The following MAP7 variants were observed in gnomAD, a reference collection of about 807,000 sequenced individuals.
The protein encoded by MAP7 is ensconsin.
In MAP7, 52 loss-of-function variants were observed where a neutral mutation model predicts 94.8. The ratio of observed to expected loss-of-function variants is 0.55; its 90% CI spans 0.44 to 0.69. The LOEUF (loss-of-function observed/expected upper bound fraction) is 0.69. Among genes scored for constraint, MAP7 ranks in the 30% least tolerant of loss-of-function variants. The pLI is 0.00. For missense variants in MAP7, 940 were observed against 964.6 expected, an observed-to-expected ratio of 0.97 and a Z score of 0.34; for synonymous variants, 350 against 357.0, an observed-to-expected ratio of 0.98 and a Z score of 0.22.
chr6:136,465,182 C>T (rs1352885442), intron 1 of MAP7, among the ~76,000 whole-genome samples: 5 of 152,166 alleles, frequency 3.3e-5, no homozygotes, highest in African/African-American at 9.7e-5. Context: ...TCTGTGTTAT[C>T]TACTTTTGCA....
chr6:136,454,172 C>T (rs892048571), intron 1 of MAP7, among the ~76,000 whole-genome samples: 2 of 152,116 alleles, frequency 1.3e-5, no homozygotes, highest in Non-Finnish European at 2.9e-5. Context: ...GAGCCAGCTA[C>T]CACCCATCAG....
chr6:136,544,779 T>C (rs1029565216), intron 1 of MAP7, among the ~76,000 whole-genome samples: 1 of 152,054 alleles, frequency 6.6e-6, no homozygotes, highest in Non-Finnish European at 1.5e-5. Context: ...AGCAGAGAGG[T>C]TTTTTTCCTG....
intron 1 of MAP7, among the ~76,000 whole-genome samples, chr6:136,512,735 G>A (rs1443622457): frequency 6.6e-6 from 1 of 152,102 alleles, no homozygotes; most frequent in African/African-American, 2.4e-5. Context: ...TTAGTGAGTT[G>A]TAATCTTTTT....
At chr6:136,522,384 T>C (rs1296136451) in intron 1 of MAP7, among the ~76,000 whole-genome samples, 1 of 152,060 alleles carries the variant, frequency 6.6e-6, no homozygotes, top group Non-Finnish European at 1.5e-5. Context: ...CAAACTATTG[T>C]CACCCCACCA....
At chr6:136,424,719 A>G (rs1023585282) in intron 1 of MAP7, among the ~76,000 whole-genome samples, 4 of 152,216 alleles carry the variant, frequency 2.6e-5, no homozygotes, top group African/African-American at 9.6e-5. Context: ...GGTCCAATAC[A>G]GTCTTCTCTC....
rs796321616 is a variant in MAP7 at position 136,535,349 on chromosome 6, G to C, written c.67+14993C>G. 1.4e-4 allele frequency among the ~76,000 whole-genome samples: 22 copies of C among 152,220 alleles called. 1 individual carries two copies. The highest frequency in any genetic ancestry group is 5.3e-4 in the African/African-American group (22 of 41,532). ...CTCAGCAGAAGCCGAGCAGATGTCA[G>C]TGCCACGCTTGTACAGCCTGCAGAT... On this transcript the variant is annotated intron_variant, in intron 1 of 17. Transcript: ENST00000354570.
chr6:136,443,647 C>T (rs1229781530), intron 1 of MAP7, among the ~76,000 whole-genome samples: 1 of 151,814 alleles, frequency 6.6e-6, no homozygotes, highest in Non-Finnish European at 1.5e-5. Flanking sequence ...GGGGTTTTTC[C>T]CCATGTTGGC....
In MAP7 at chr6:136,365,971, G is replaced by T; in HGVS notation, c.1037C>A (p.Thr346Lys). 1 of 1,613,398 alleles carries T rather than the reference G, an allele frequency of 6.2e-7. No individual in the cohort carries two copies. Among genetic ancestry groups the T allele is most frequent in the Non-Finnish European group, 8.5e-7 (1 of 1,180,030 alleles). The change falls in exon 10 of 18, where the codon ACA (threonine) becomes AAA (lysine). Residue 346 changes from threonine to lysine, a missense_variant. Transcript: ENST00000354570. The part of the protein sequence containing the change: ...LPHLPGTPRP[T>K]SSLPPGSVKA... ...GACTGAGCCGGGTGGCAAGGAGGAT[G>T]TCGGTCTGGGTGTGCCAGGCAAATG... is the stretch of plus-strand genomic sequence containing the variant.
At chr6:136,518,540 C>G (rs1825521622) in intron 1 of MAP7, among the ~76,000 whole-genome samples, 1 of 152,172 alleles carries the variant, frequency 6.6e-6, no homozygotes, top group Non-Finnish European at 1.5e-5. Flanking sequence ...ATTGGCAAAT[C>G]TAGAACATAA....
intron 1 of MAP7, among the ~76,000 whole-genome samples, chr6:136,479,318 A>G (rs1231634939): frequency 9.9e-5 from 15 of 152,224 alleles, no homozygotes; most frequent in Admixed American, 8.5e-4. Context: ...TCCTTTCATG[A>G]TAAAAATCCT....
intron 16 of MAP7, among the ~76,000 whole-genome samples, chr6:136,353,752 C>T (rs1582642709): frequency 6.6e-6 from 1 of 152,076 alleles, no homozygotes; most frequent in South Asian, 2.1e-4. Context: ...GGGGTTTCAC[C>T]ATGTTCCCCA....
intron 1 of MAP7, among the ~76,000 whole-genome samples, chr6:136,485,546 C>A (rs1464113952): frequency 6.7e-6 from 1 of 149,174 alleles, no homozygotes; most frequent in Non-Finnish European, 1.5e-5. Context: ...ATGATCAATT[C>A]CACTTCAGAT....
At chr6:136,350,369 A>G (rs1788821509) in intron 16 of MAP7, among the ~76,000 whole-genome samples, 1 of 152,220 alleles carries the variant, frequency 6.6e-6, no homozygotes. Context: ...AAAACCAAAG[A>G]TTTTATAAGC....
chr6:136,536,300 C>T (rs959488159), intron 1 of MAP7, among the ~76,000 whole-genome samples: 6 of 152,008 alleles, frequency 3.9e-5, no homozygotes, highest in African/African-American at 1.5e-4. Context: ...CTAGAGCCAT[C>T]AAGATTTTAG....
intron 1 of MAP7, among the ~76,000 whole-genome samples, chr6:136,541,795 C>T (rs1003056611): frequency 5.3e-5 from 8 of 152,228 alleles, no homozygotes; most frequent in African/African-American, 1.9e-4. Context: ...GTGGTGGCTC[C>T]CACCTGTAAT....
chr6:136,469,543 A>C (rs537061501), intron 1 of MAP7, among the ~76,000 whole-genome samples: 1 of 152,156 alleles, frequency 6.6e-6, no homozygotes, highest in Non-Finnish European at 1.5e-5. Context: ...CACCATGCCC[A>C]GCTTTTTTGG....
chr6:136,354,945 T>C (rs1207965855), intron 16 of MAP7, among the ~76,000 whole-genome samples: 2 of 152,154 alleles, frequency 1.3e-5, no homozygotes, highest in Non-Finnish European at 2.9e-5. Context: ...TATGGTAGGC[T>C]GGGTGTGATG....
chr6:136,355,654 ATG>A (rs1276269782), intron 16 of MAP7, among the ~76,000 whole-genome samples: 1 of 152,208 alleles, frequency 6.6e-6, no homozygotes, highest in East Asian at 1.9e-4. Context: ...AGAAACAATT[ATG>A]TGTTTTTAGA....
At chr6:136,487,124 A>C (rs1815029280) in intron 1 of MAP7, among the ~76,000 whole-genome samples, 1 of 152,234 alleles carries the variant, frequency 6.6e-6, no homozygotes, top group South Asian at 2.1e-4. Context: ...CATGACATTG[A>C]CAAGTGGTGG....
Sources: gnomAD v4.1 joint callset for allele counts (sites outside exome capture counted in the v4.1 genomes callset) on GRCh38, gnomAD v4.1.1 for gene constraint, MANE v1.5 for transcripts, NCBI Gene and HGNC (gene_info 2026-07-23, HGNC 2026-07-21) for gene names.